ARHGAP15: variants seen among roughly 807,000 people sequenced by gnomAD.
ARHGAP15 encodes rho GTPase-activating protein 15.
ARHGAP15 carries 51 observed loss-of-function variants against 63.7 expected under a neutral mutation model. The ratio of observed to expected loss-of-function variants is 0.80; its 90% CI spans 0.64 to 1.01. The LOEUF is 1.01. ARHGAP15 is among the 50% of genes least tolerant of loss of function. The pLI is 0.00. For synonymous variants in ARHGAP15, 191 were observed against 193.8 expected (o/e 0.99, Z 0.12); for missense variants, 560 against 564.6 (o/e 0.99, Z 0.08).
intron 6 of ARHGAP15, among the ~76,000 whole-genome samples, chr2:143,252,401 T>C (rs898064443): frequency 1.3e-5 from 2 of 152,084 alleles, no homozygotes; most frequent in African/African-American, 4.8e-5. Context: ...TATTTTTGAA[T>C]GTAGATCCTT....
intron 9 of ARHGAP15, among the ~76,000 whole-genome samples, chr2:143,502,858 G>A (rs1238562415): frequency 2.0e-5 from 3 of 152,168 alleles, no homozygotes; most frequent in African/African-American, 7.2e-5. Flanking sequence ...GGGATTACAG[G>A]TGTGAGCCAC....
At chr2:143,611,272 T>G (rs1222916397) in intron 11 of ARHGAP15, among the ~76,000 whole-genome samples, 1 of 152,186 alleles carries the variant, frequency 6.6e-6, no homozygotes, top group East Asian at 1.9e-4. Flanking sequence ...ATGACACTTT[T>G]TCCCTTCTTG....
intron 6 of ARHGAP15, among the ~76,000 whole-genome samples, chr2:143,305,770 G>A (rs1453892514): frequency 6.6e-6 from 1 of 152,046 alleles, no homozygotes; most frequent in Non-Finnish European, 1.5e-5. Flanking sequence ...AATCTCTAAA[G>A]TGAAGCAAGT....
At chr2:143,712,256 C>T (rs1327169683) in intron 13 of ARHGAP15, among the ~76,000 whole-genome samples, 1 of 152,130 alleles carries the variant, frequency 6.6e-6, no homozygotes, top group Non-Finnish European at 1.5e-5. Flanking sequence ...GGATGGCACC[C>T]AGATTTTGAA....
intron 8 of ARHGAP15, among the ~76,000 whole-genome samples, chr2:143,444,819 C>T (rs1486042215): frequency 6.6e-6 from 1 of 152,104 alleles, no homozygotes; most frequent in Non-Finnish European, 1.5e-5. Context: ...CCCAGAAATA[C>T]CAGATGTTTT....
intron 10 of ARHGAP15, among the ~76,000 whole-genome samples, chr2:143,544,483 GTATATA>G (rs1014250725): frequency 3.3e-5 from 5 of 152,078 alleles, no homozygotes; most frequent in African/African-American, 1.2e-4. Flanking sequence ...ACACACATGT[GTATATA>G]TGTATATGTA....
intron 9 of ARHGAP15, among the ~76,000 whole-genome samples, chr2:143,499,168 C>A (rs1201857563): frequency 1.3e-5 from 2 of 152,144 alleles, no homozygotes; most frequent in Non-Finnish European, 2.9e-5. Flanking sequence ...ATATATTGCT[C>A]TTCTTAAAAA....
intron 12 of ARHGAP15, among the ~76,000 whole-genome samples, chr2:143,682,274 T>G (rs547332265): frequency 8.0e-5 from 12 of 150,648 alleles, no homozygotes; most frequent in Admixed American, 7.4e-4. Flanking sequence ...AAAATTAAAC[T>G]AACGCTGTAA....
At chr2:143,226,426 G>A (rs755578189) in intron 4 of ARHGAP15, among the ~76,000 whole-genome samples, 3 of 152,166 alleles carry the variant, frequency 2.0e-5, no homozygotes, top group African/African-American at 7.2e-5. Context: ...TGGATTCTTC[G>A]TGTGTGAGGG....
chr2:143,164,643 A>T (rs1427681051), intron 2 of ARHGAP15, among the ~76,000 whole-genome samples: 1 of 151,854 alleles, frequency 6.6e-6, no homozygotes, highest in African/African-American at 2.4e-5. Flanking sequence ...AAATGAAAAA[A>T]CCCAGGGGAA....
chr2:143,189,451 A>G (rs1216878940), intron 2 of ARHGAP15, among the ~76,000 whole-genome samples: 2 of 151,098 alleles, frequency 1.3e-5, no homozygotes, highest in East Asian at 1.9e-4. Context: ...GGATTTTTCT[A>G]TTAGGTAGAT....
At chr2:143,383,832 A>C (rs867071806) in intron 6 of ARHGAP15, among the ~76,000 whole-genome samples, 1 of 152,204 alleles carries the variant, frequency 6.6e-6, no homozygotes, top group Admixed American at 6.5e-5. Flanking sequence ...GTGAAATACT[A>C]AACAAGTCAC....
intron 1 of ARHGAP15, among the ~76,000 whole-genome samples, chr2:143,143,252 A>T (rs1427750314): frequency 6.6e-6 from 1 of 152,102 alleles, no homozygotes; most frequent in East Asian, 1.9e-4. Flanking sequence ...CTGAAAAGGC[A>T]GTTGAATCAC....
chr2:143,415,614 T>C (rs1259456763), intron 6 of ARHGAP15, among the ~76,000 whole-genome samples: 1 of 152,196 alleles, frequency 6.6e-6, no homozygotes, highest in East Asian at 1.9e-4. Context: ...ATTAATCATG[T>C]TCCGTTTTAA....
intron 8 of ARHGAP15, among the ~76,000 whole-genome samples, chr2:143,464,980 T>A (rs1691131913): frequency 6.6e-6 from 1 of 152,148 alleles, no homozygotes; most frequent in Non-Finnish European, 1.5e-5. Context: ...ACACCCTTCT[T>A]TTAAAATAGT....
At chr2:143,499,725 T>C (rs1016786637) in intron 9 of ARHGAP15, among the ~76,000 whole-genome samples, 6 of 152,150 alleles carry the variant, frequency 3.9e-5, no homozygotes, top group Non-Finnish European at 7.4e-5. Flanking sequence ...ACTGTCATAA[T>C]AGAAGGGTTA....
intron 2 of ARHGAP15, among the ~76,000 whole-genome samples, chr2:143,201,801 G>A (rs1574083970): frequency 6.6e-6 from 1 of 152,124 alleles, no homozygotes; most frequent in Non-Finnish European, 1.5e-5. Context: ...AATCTTTGAA[G>A]TCATAGAGTG....
In ARHGAP15 at chr2:143,754,791, G is replaced by A. The variant is rs182244483; in HGVS notation, c.1245-13198G>A. 2.8e-3 allele frequency among the ~76,000 whole-genome samples: 423 copies of A among 152,258 alleles called. 2 individuals carry two copies. Among genetic ancestry groups the A allele is most frequent in the African/African-American group, 9.5e-3 (396 of 41,540 alleles). On this transcript the variant is annotated intron_variant, in intron 13 of 13. Transcript: ENST00000295095. Reference sequence around the variant, plus strand: ...TCTAGCCTGGCAGCAAAGCAGCCTGGCTCTTTATCTACCTTCCAATCTACT... The same window carrying A: ...TCTAGCCTGGCAGCAAAGCAGCCTGACTCTTTATCTACCTTCCAATCTACT...
chr2:143,140,034 G>T (rs1437655360), intron 1 of ARHGAP15, among the ~76,000 whole-genome samples: 3 of 152,286 alleles, frequency 2.0e-5, no homozygotes, highest in Middle Eastern at 3.4e-3. Context: ...GTTAAACGCG[G>T]TGGTAAGAGT....
Sources: gnomAD v4.1 joint callset for allele counts (sites outside exome capture counted in the v4.1 genomes callset) on GRCh38, gnomAD v4.1.1 for gene constraint, MANE v1.5 for transcripts, NCBI Gene and HGNC (gene_info 2026-07-23, HGNC 2026-07-21) for gene names.